The following RBFOX1 variants were observed in gnomAD, a reference collection of about 807,000 sequenced individuals.
RBFOX1 encodes the protein RNA binding fox-1 homolog 1.
In RBFOX1, 8 loss-of-function variants were observed where a neutral mutation model predicts 57.7. The observed-to-expected ratio is 0.14, with a 90% CI of 0.08 to 0.25. The LOEUF is 0.25. Ranked by LOEUF, RBFOX1 falls within the 10% of genes least tolerant of loss-of-function variation. RBFOX1 has a pLI of 1.00. For missense variants in RBFOX1, 611 were observed against 548.5 expected (o/e 1.11, Z -1.14); for synonymous variants, 326 against 222.4 (o/e 1.47, Z -4.15).
At chr16:7,696,917 G>A (rs1342817304) in intron 14 of RBFOX1, among the ~76,000 whole-genome samples, 1 of 152,124 alleles carries the variant, frequency 6.6e-6, no homozygotes, top group East Asian at 1.9e-4. Context: ...TACTTGAGGT[G>A]TCCAGGAGTA....
chr16:5,367,321 T>A (rs745728343), intron 1 of RBFOX1, among the ~76,000 whole-genome samples: 1 of 152,228 alleles, frequency 6.6e-6, no homozygotes, highest in Non-Finnish European at 1.5e-5. Context: ...ACTCCTGACC[T>A]GCCCAGAACA....
In RBFOX1 at chr16:7,034,735, T is replaced by C. The variant is rs1232596893; in HGVS notation, c.-15-17322T>C. On this transcript the variant is annotated intron_variant, in intron 3 of 15. Coordinates refer to ENST00000550418, the MANE Select transcript of RBFOX1 (RefSeq NM_018723.4). ...CCTCACATCAGTGCCCCTGTAGATT[T>C]ATTGTGAATTACCTGGGGTTTGGGG... Among the ~76,000 whole-genome samples the C allele has an allele frequency of 4.6e-5, 7 of 151,760 alleles. 1 individual carries two copies. In the South Asian group the frequency reaches 8.3e-4, roughly 18 times the overall value.
At chr16:5,533,774 C>G (rs1362341938) in intron 2 of RBFOX1, among the ~76,000 whole-genome samples, 1 of 152,074 alleles carries the variant, frequency 6.6e-6, no homozygotes, top group Admixed American at 6.5e-5. Context: ...GTGACTGGCT[C>G]CCTGAGTGTG....
intron 11 of RBFOX1, among the ~76,000 whole-genome samples, chr16:7,647,902 G>A (rs1034311963): frequency 2.0e-5 from 3 of 152,158 alleles, no homozygotes. Context: ...ATACCTCAAA[G>A]TAAACATGTA....
At chr16:5,985,555 G>T (rs1271419482) in intron 4 of RBFOX1, among the ~76,000 whole-genome samples, 3 of 152,176 alleles carry the variant, frequency 2.0e-5, no homozygotes, top group Admixed American at 6.5e-5. Flanking sequence ...CAGAGGGAAG[G>T]TTCAAACCCA....
At chr16:7,213,541 A>G (rs2091524593) in intron 4 of RBFOX1, among the ~76,000 whole-genome samples, 2 of 143,662 alleles carry the variant, frequency 1.4e-5, no homozygotes, top group Admixed American at 1.4e-4. Context: ...TAATTCTCAA[A>G]GGGATCCTCT....
At chr16:6,655,053 C>T (rs1001747872) in intron 3 of RBFOX1, among the ~76,000 whole-genome samples, 4 of 151,402 alleles carry the variant, frequency 2.6e-5, no homozygotes, top group Non-Finnish European at 5.9e-5. Context: ...CAGGGTGTGT[C>T]CCTATATATC....
intron 1 of RBFOX1, among the ~76,000 whole-genome samples, chr16:6,044,844 G>T (rs779516836): frequency 6.6e-6 from 1 of 152,186 alleles, no homozygotes; most frequent in Non-Finnish European, 1.5e-5. Context: ...CTTTCTCATT[G>T]TTCCCTCATG....
At chr16:7,605,456 A>G (rs754208428) in intron 9 of RBFOX1, among the ~76,000 whole-genome samples, 3 of 152,172 alleles carry the variant, frequency 2.0e-5, no homozygotes, top group Non-Finnish European at 2.9e-5. Flanking sequence ...GAGAATCTCT[A>G]TTCTGAGATC....
At chr16:5,985,954 G>C (rs2060277501) in intron 4 of RBFOX1, among the ~76,000 whole-genome samples, 1 of 152,050 alleles carries the variant, frequency 6.6e-6, no homozygotes, top group Non-Finnish European at 1.5e-5. Context: ...GAATCCATTA[G>C]TATCCACCCG....
chr16:7,545,881 A>G (rs1341619869), intron 5 of RBFOX1, among the ~76,000 whole-genome samples: 3 of 152,098 alleles, frequency 2.0e-5, no homozygotes, highest in African/African-American at 7.2e-5. Context: ...AGAACCAGGA[A>G]TGCTGGTCCT....
intron 1 of RBFOX1, among the ~76,000 whole-genome samples, chr16:6,255,756 G>A (rs893579731): frequency 1.3e-5 from 2 of 152,008 alleles, no homozygotes; most frequent in African/African-American, 4.8e-5. Flanking sequence ...CATGGATGAA[G>A]CTGGAAACCG....
At chr16:5,420,626 C>T (rs563947116) in intron 1 of RBFOX1, among the ~76,000 whole-genome samples, 2 of 152,196 alleles carry the variant, frequency 1.3e-5, no homozygotes, top group East Asian at 1.9e-4. Flanking sequence ...CCTCCTACCT[C>T]AGCGTCCCCC....
chr16:6,995,489 G>T (rs1208733119), intron 3 of RBFOX1, among the ~76,000 whole-genome samples: 1 of 152,110 alleles, frequency 6.6e-6, no homozygotes, highest in Non-Finnish European at 1.5e-5. Flanking sequence ...TTGAAGAGGG[G>T]TGTGGTGGCT....
At chr16:6,370,054 T>A (rs144379816) in intron 2 of RBFOX1, among the ~76,000 whole-genome samples, 81 of 152,196 alleles carry the variant, frequency 5.3e-4, no homozygotes, top group African/African-American at 1.9e-3. Context: ...GATCTTGACA[T>A]TTTTTTAAGA....
chr16:7,456,268 C>G (rs13334575), intron 4 of RBFOX1, among the ~76,000 whole-genome samples: 56,411 of 151,960 alleles, frequency 0.37, 11,137 homozygotes, highest in Non-Finnish European at 0.45. Flanking sequence ...CCTAGAGGGA[C>G]CCCCCCTTAT....
chr16:7,185,387 C>A (rs746063422), intron 4 of RBFOX1, among the ~76,000 whole-genome samples: 7 of 152,078 alleles, frequency 4.6e-5, no homozygotes, highest in Non-Finnish European at 8.8e-5. Flanking sequence ...TTCCTTAATG[C>A]ATTTGACAGA....
chr16:6,677,247 T>C (rs1176216150), intron 3 of RBFOX1, among the ~76,000 whole-genome samples: 3 of 152,174 alleles, frequency 2.0e-5, no homozygotes, highest in Non-Finnish European at 2.9e-5. Flanking sequence ...CTAGAGACCA[T>C]AGATAATTTA....
intron 5 of RBFOX1, among the ~76,000 whole-genome samples, chr16:7,558,557 A>G (rs926091785): frequency 1.3e-5 from 2 of 152,028 alleles, no homozygotes; most frequent in Admixed American, 6.6e-5. Flanking sequence ...CTTTCTTACT[A>G]TATATGCTTT....
Sources: gnomAD v4.1 joint callset for allele counts (sites outside exome capture counted in the v4.1 genomes callset) on GRCh38, gnomAD v4.1.1 for gene constraint, MANE v1.5 for transcripts, NCBI Gene and HGNC (gene_info 2026-07-23, HGNC 2026-07-21) for gene names.